The following STK24 variants were observed in gnomAD, a reference collection of about 807,000 sequenced individuals.
STK24 encodes the protein serine/threonine-protein kinase 24.
STK24 carries 21 observed loss-of-function variants against 55.6 expected under a neutral mutation model. The ratio of observed to expected loss-of-function variants is 0.38; its 90% CI spans 0.27 to 0.54. The LOEUF is 0.54. STK24 is among the 20% of genes least tolerant of loss of function. STK24 has a pLI of 0.79. For missense variants in STK24, 383 were observed against 538.4 expected, an observed-to-expected ratio of 0.71 and a Z score of 2.86; for synonymous variants, 200 against 215.2, an observed-to-expected ratio of 0.93 and a Z score of 0.62.
chr13:98,575,329 AC>A (rs1897854793), intron 1 of STK24, among the ~76,000 whole-genome samples: 2 of 152,062 alleles, frequency 1.3e-5, no homozygotes, highest in Non-Finnish European at 2.9e-5. Flanking sequence ...TAAGATAATA[AC>A]TTAACTGTTG....
At chr13:98,519,705 A>C (rs372799983) in intron 1 of STK24, among the ~76,000 whole-genome samples, 186 of 152,364 alleles carry the variant, frequency 1.2e-3, no homozygotes, top group African/African-American at 4.4e-3. Flanking sequence ...GCGTACAATA[A>C]GAACAATCAC....
intron 1 of STK24, among the ~76,000 whole-genome samples, chr13:98,542,456 G>C (rs1345168507): frequency 6.6e-6 from 1 of 151,996 alleles, no homozygotes; most frequent in Non-Finnish European, 1.5e-5. Context: ...TTTTACTGAT[G>C]GTAACCAGAA....
intron 1 of STK24, among the ~76,000 whole-genome samples, chr13:98,569,405 A>T (rs1337211806): frequency 7.7e-6 from 1 of 130,184 alleles, no homozygotes. Context: ...AGAAAATGAC[A>T]GCAGAGACAA....
intron 1 of STK24, among the ~76,000 whole-genome samples, chr13:98,565,470 A>G (rs1897539769): frequency 6.6e-6 from 1 of 152,042 alleles, no homozygotes; most frequent in African/African-American, 2.4e-5. Flanking sequence ...TGTCTCTACT[A>G]AAAATACAAA....
chr13:98,495,222 T>C (rs1044414097), intron 2 of STK24, among the ~76,000 whole-genome samples: 3 of 152,228 alleles, frequency 2.0e-5, no homozygotes, highest in African/African-American at 4.8e-5. Context: ...TGAAGGAGAA[T>C]TGATTTGCCT....
intron 2 of STK24, among the ~76,000 whole-genome samples, chr13:98,490,682 G>A (rs1052285878): frequency 6.6e-6 from 1 of 152,136 alleles, no homozygotes; most frequent in Admixed American, 6.5e-5. Context: ...AGCCAGCAGT[G>A]ACAGCTTCCA....
intron 1 of STK24, among the ~76,000 whole-genome samples, chr13:98,538,849 C>T (rs540981275): frequency 1.3e-5 from 2 of 152,292 alleles, no homozygotes; most frequent in East Asian, 1.9e-4. Flanking sequence ...TCTTGCTCCT[C>T]GGTGAGGCCC....
At chr13:98,476,977 A>C (rs1894402204) in intron 3 of STK24, among the ~76,000 whole-genome samples, 1 of 152,252 alleles carries the variant, frequency 6.6e-6, no homozygotes, top group Admixed American at 6.5e-5. Flanking sequence ...ATATGCTCAG[A>C]GAAGGTCAAA....
chr13:98,463,179 C>G (rs976585665), intron 7 of STK24, among the ~76,000 whole-genome samples: 2 of 152,128 alleles, frequency 1.3e-5, no homozygotes, highest in African/African-American at 4.8e-5. Context: ...CCGACCACCT[C>G]CCCCAGCCCT....
At chr13:98,464,361 G>A (rs1339979620) in intron 6 of STK24, among the ~76,000 whole-genome samples, 4 of 151,870 alleles carry the variant, frequency 2.6e-5, no homozygotes, top group Non-Finnish European at 5.9e-5. Flanking sequence ...GGAGCTTGCA[G>A]GGAGCCGAGA....
chr13:98,467,525 T>TC (rs200159861), intron 5 of STK24, among the ~76,000 whole-genome samples: 1,542 of 152,244 alleles, frequency 0.01, 21 homozygotes, highest in African/African-American at 0.034. Flanking sequence ...GTCCCCAGTC[T>TC]CCCCAGGGAC....
chr13:98,512,777 A>G (rs1021473502), intron 2 of STK24, among the ~76,000 whole-genome samples: 3 of 152,184 alleles, frequency 2.0e-5, no homozygotes, highest in Non-Finnish European at 4.4e-5. Flanking sequence ...GATGTAAATA[A>G]TGTCTCAGGG....
intron 2 of STK24, among the ~76,000 whole-genome samples, chr13:98,513,981 G>T (rs1235433527): frequency 6.6e-6 from 1 of 152,238 alleles, no homozygotes; most frequent in Non-Finnish European, 1.5e-5. Flanking sequence ...AAAGAAAGGT[G>T]TGAGTAAAGA....
At chr13:98,494,146 T>C (rs1895153273) in intron 2 of STK24, among the ~76,000 whole-genome samples, 1 of 136,180 alleles carries the variant, frequency 7.3e-6, no homozygotes, top group African/African-American at 2.7e-5. Context: ...GCACGGTGGC[T>C]CAAGCCTGTA....
At chr13:98,543,695 G>A (rs1438484150) in intron 1 of STK24, among the ~76,000 whole-genome samples, 1 of 152,154 alleles carries the variant, frequency 6.6e-6, no homozygotes, top group African/African-American at 2.4e-5. Flanking sequence ...GGATGGTGCT[G>A]AACTATGGTA....
At position 98,466,403 on chromosome 13, in the gene STK24, C is replaced by T; in HGVS notation, c.756G>A (p.Glu252=). The T allele has an allele frequency of 1.9e-6, 3 of 1,612,696 alleles. No individual in the cohort carries two copies. Among genetic ancestry groups the T allele is most frequent in the Non-Finnish European group, 2.5e-6 (3 of 1,180,016 alleles). Reference sequence around the variant, plus strand: ...AGCTCGGCTCCTTATTCAAACAGGCCTCCACAAACTCCTTGAGGGGTTTAC... The same window carrying T: ...AGCTCGGCTCCTTATTCAAACAGGCTTCCACAAACTCCTTGAGGGGTTTAC... ...NYSKPLKEFV[E]ACLNKEPSFR... The change falls in exon 6 of 11, where the codon GAG becomes GAA. Residue 252 remains glutamate, a synonymous_variant. Coordinates refer to ENST00000539966, the MANE Select transcript of STK24 (RefSeq NM_001032296.4).
At chr13:98,520,206 G>A (rs945572789) in intron 1 of STK24, among the ~76,000 whole-genome samples, 1 of 152,162 alleles carries the variant, frequency 6.6e-6, no homozygotes, top group African/African-American at 2.4e-5. Context: ...TTCTCAAAGG[G>A]GGCAGTAACC....
chr13:98,528,553 A>G (rs1227633387), intron 1 of STK24, among the ~76,000 whole-genome samples: 1 of 152,222 alleles, frequency 6.6e-6, no homozygotes, highest in Non-Finnish European at 1.5e-5. Flanking sequence ...GCCATTCCAC[A>G]ATACAACACA....
At chr13:98,493,040 G>A (rs547853355) in intron 2 of STK24, among the ~76,000 whole-genome samples, 5 of 152,304 alleles carry the variant, frequency 3.3e-5, no homozygotes, top group Admixed American at 6.5e-5. Flanking sequence ...TAATCTGACT[G>A]TCCAAAAAGT....
Sources: gnomAD v4.1 joint callset for allele counts (sites outside exome capture counted in the v4.1 genomes callset) on GRCh38, gnomAD v4.1.1 for gene constraint, MANE v1.5 for transcripts, NCBI Gene and HGNC (gene_info 2026-07-23, HGNC 2026-07-21) for gene names.